The following SUPT3H variants were observed in gnomAD, a reference collection of about 807,000 sequenced individuals.
The protein encoded by SUPT3H is SPT3 homolog, SAGA and STAGA complex component.
In SUPT3H, 44 loss-of-function variants were observed where a neutral mutation model predicts 44.3. The observed-to-expected ratio is 0.99, with a 90% CI of 0.78 to 1.28. SUPT3H has a LOEUF of 1.28. Among genes scored for constraint, SUPT3H ranks in the 50% most tolerant of loss-of-function variants. SUPT3H has a pLI of 0.00. For synonymous variants in SUPT3H, 124 were observed against 125.6 expected (o/e 0.99, Z 0.09); for missense variants, 380 against 387.1 (o/e 0.98, Z 0.15).
intron 10 of SUPT3H, among the ~76,000 whole-genome samples, chr6:44,858,877 A>G (rs1237835851): frequency 6.6e-6 from 1 of 152,204 alleles, no homozygotes; most frequent in African/African-American, 2.4e-5. Context: ...CAAGGGACTC[A>G]AAAGAGGTAA....
intron 2 of SUPT3H, among the ~76,000 whole-genome samples, chr6:45,200,518 A>G (rs915786330): frequency 1.3e-5 from 2 of 151,538 alleles, no homozygotes; most frequent in Non-Finnish European, 3.0e-5. Context: ...CAGCTGGTAA[A>G]AAAACTAACA....
intron 2 of SUPT3H, among the ~76,000 whole-genome samples, chr6:45,244,104 A>AT (rs1770903137): frequency 6.6e-6 from 1 of 152,032 alleles, no homozygotes; most frequent in Non-Finnish European, 1.5e-5. Flanking sequence ...GGCTGGTCTC[A>AT]AACTCCTGGG....
chr6:45,115,601 A>G (rs1800728814), intron 2 of SUPT3H, among the ~76,000 whole-genome samples: 1 of 152,178 alleles, frequency 6.6e-6, no homozygotes, highest in Non-Finnish European at 1.5e-5. Context: ...ACAAACAAAC[A>G]AAACAACTTC....
chr6:45,274,629 G>A (rs948808792), intron 2 of SUPT3H, among the ~76,000 whole-genome samples: 3 of 152,148 alleles, frequency 2.0e-5, no homozygotes, highest in Admixed American at 6.5e-5. Flanking sequence ...GCCTGTAATC[G>A]CAGCACTCTG....
intron 2 of SUPT3H, among the ~76,000 whole-genome samples, chr6:45,239,794 A>AT (rs1210678585): frequency 6.6e-6 from 1 of 152,238 alleles, no homozygotes; most frequent in Non-Finnish European, 1.5e-5. Flanking sequence ...GGCATCCCAT[A>AT]TAATTCTCAA....
At chr6:45,194,480 T>C (rs1296531998) in intron 2 of SUPT3H, among the ~76,000 whole-genome samples, 1 of 152,186 alleles carries the variant, frequency 6.6e-6, no homozygotes, top group Admixed American at 6.5e-5. Context: ...GTGCTTGTTG[T>C]ATTGGTGATA....
chr6:45,266,698 T>C (rs775647308), intron 2 of SUPT3H, among the ~76,000 whole-genome samples: 64 of 152,220 alleles, frequency 4.2e-4, no homozygotes, highest in Middle Eastern at 6.8e-3. Flanking sequence ...CTGCCTTATA[T>C]TCAGAGACAC....
intron 2 of SUPT3H, among the ~76,000 whole-genome samples, chr6:45,216,178 A>T (rs1316388916): frequency 6.6e-6 from 1 of 151,534 alleles, no homozygotes; most frequent in Non-Finnish European, 1.5e-5. Flanking sequence ...AGAAATGCTT[A>T]AGGAAGTAAA....
At chr6:45,088,315 A>C (rs1168710499) in intron 3 of SUPT3H, among the ~76,000 whole-genome samples, 1 of 152,078 alleles carries the variant, frequency 6.6e-6, no homozygotes, top group Non-Finnish European at 1.5e-5. Flanking sequence ...GGGTGGCCTC[A>C]GAAATACTGC....
chr6:45,077,495 C>T (rs1347358731), intron 3 of SUPT3H, among the ~76,000 whole-genome samples: 1 of 151,696 alleles, frequency 6.6e-6, no homozygotes, highest in Admixed American at 6.6e-5. Flanking sequence ...GGTGTGGTGG[C>T]CTGTGCCTAT....
intron 3 of SUPT3H, among the ~76,000 whole-genome samples, chr6:45,043,308 G>A (rs1375966682): frequency 1.3e-5 from 2 of 152,026 alleles, no homozygotes; most frequent in Non-Finnish European, 2.9e-5. Context: ...AGAAATAAAC[G>A]GTCTTATTTA....
chr6:45,281,221 C>T (rs1777992270), intron 2 of SUPT3H, among the ~76,000 whole-genome samples: 1 of 152,222 alleles, frequency 6.6e-6, no homozygotes, highest in African/African-American at 2.4e-5. Flanking sequence ...GTTCATCTCA[C>T]TGTGGACTGT....
intron 2 of SUPT3H, among the ~76,000 whole-genome samples, chr6:45,169,824 G>A (rs1810491460): frequency 6.6e-6 from 1 of 152,196 alleles, no homozygotes; most frequent in Non-Finnish European, 1.5e-5. Context: ...AAGGACAATA[G>A]TCAAAGTATA....
intron 6 of SUPT3H, among the ~76,000 whole-genome samples, chr6:44,984,181 C>T (rs1779470381): frequency 6.6e-6 from 1 of 151,996 alleles, no homozygotes; most frequent in South Asian, 2.1e-4. Flanking sequence ...GTGCCAAGTC[C>T]AGGCCTGGAC....
chr6:44,938,764 A>G (rs1264895187), intron 9 of SUPT3H, among the ~76,000 whole-genome samples: 1 of 152,074 alleles, frequency 6.6e-6, no homozygotes, highest in Non-Finnish European at 1.5e-5. Context: ...GCTGGTTTGT[A>G]GTTTTCTTTG....
Position 45,104,760 on chromosome 6 carries a change from C to G in SUPT3H, c.186+1162G>C, listed in dbSNP as rs534634155. Among the ~76,000 whole-genome samples, 5 of 151,828 alleles carry G rather than the reference C, an allele frequency of 3.3e-5. No homozygotes were observed. In the South Asian group the frequency reaches 8.3e-4, roughly 25 times the overall value. On this transcript the variant is annotated intron_variant, in intron 3 of 10. Transcript: ENST00000371459. ...AGCTAAAAGAAGAAAAATATTAAAACACAACTGAAAAACACAAAAGTAGTC... is the reference window on the plus strand; with the variant it reads ...AGCTAAAAGAAGAAAAATATTAAAAGACAACTGAAAAACACAAAAGTAGTC...
intron 2 of SUPT3H, among the ~76,000 whole-genome samples, chr6:45,108,200 C>T (rs1446181657): frequency 6.6e-6 from 1 of 152,190 alleles, no homozygotes; most frequent in Middle Eastern, 3.2e-3. Flanking sequence ...AGGCCAGGCA[C>T]AGTGGCTCAT....
intron 2 of SUPT3H, among the ~76,000 whole-genome samples, chr6:45,201,574 C>T (rs1464584204): frequency 6.6e-6 from 1 of 151,778 alleles, no homozygotes; most frequent in African/African-American, 2.4e-5. Flanking sequence ...AATTTCATAA[C>T]ATGCATAATC....
intron 2 of SUPT3H, among the ~76,000 whole-genome samples, chr6:45,271,720 AC>A (rs1169755900): frequency 2.0e-5 from 3 of 152,198 alleles, no homozygotes; most frequent in Non-Finnish European, 4.4e-5. Context: ...GAAGAGGGCC[AC>A]CATCCTCTAG....
Sources: gnomAD v4.1 joint callset for allele counts (sites outside exome capture counted in the v4.1 genomes callset) on GRCh38, gnomAD v4.1.1 for gene constraint, MANE v1.5 for transcripts, NCBI Gene and HGNC (gene_info 2026-07-23, HGNC 2026-07-21) for gene names.